Variants in BAIAP2L1 observed in about 807,000 individuals in gnomAD.
BAIAP2L1 encodes BAR/IMD domain containing adaptor protein 2 like 1.
Under a neutral mutation model 66.3 loss-of-function variants are expected in BAIAP2L1, and 35 were observed. That is an observed-to-expected ratio of 0.53 (90% CI 0.40 to 0.70). The LOEUF (loss-of-function observed/expected upper bound fraction) is 0.70. BAIAP2L1 is among the 30% of genes least tolerant of loss of function. BAIAP2L1 has a pLI of 0.00. For synonymous variants in BAIAP2L1, 269 were observed against 248.7 expected (o/e 1.08, Z -0.77); for missense variants, 622 against 656.9 (o/e 0.95, Z 0.58).
chr7:98,338,650 G>A (rs1427209651), intron 3 of BAIAP2L1, among the ~76,000 whole-genome samples: 3 of 152,154 alleles, frequency 2.0e-5, no homozygotes, highest in Non-Finnish European at 4.4e-5. Flanking sequence ...GCAGCATATA[G>A]CGGTACTTCA....
intron 1 of BAIAP2L1, among the ~76,000 whole-genome samples, chr7:98,393,504 TTA>T (rs1362822199): frequency 6.6e-6 from 1 of 152,018 alleles, no homozygotes; most frequent in Non-Finnish European, 1.5e-5. Context: ...TTCTATTTAT[TTA>T]TTTTTTTTTG....
At chr7:98,386,496 C>G in intron 1 of BAIAP2L1, 2 of 1,596,934 alleles carry the variant, frequency 1.3e-6, no homozygotes, top group Non-Finnish European at 1.7e-6. Context: ...CACATCATAC[C>G]AATCTTTCTT....
intron 1 of BAIAP2L1, among the ~76,000 whole-genome samples, chr7:98,377,190 T>A (rs1802653957): frequency 1.3e-5 from 2 of 152,222 alleles, no homozygotes; most frequent in Admixed American, 1.3e-4. Flanking sequence ...TCCCATCATG[T>A]AAAGAGACTG....
intron 3 of BAIAP2L1, among the ~76,000 whole-genome samples, chr7:98,340,671 C>T (rs888940875): frequency 3.3e-5 from 5 of 152,092 alleles, no homozygotes; most frequent in African/African-American, 1.2e-4. Flanking sequence ...CTTCTTGTAA[C>T]AACTTTTGTA....
At chr7:98,349,032 A>G (rs1184167756) in intron 3 of BAIAP2L1, among the ~76,000 whole-genome samples, 1 of 152,190 alleles carries the variant, frequency 6.6e-6, no homozygotes, top group Non-Finnish European at 1.5e-5. Flanking sequence ...GGCAGCACCC[A>G]TGTCCCTACC....
chr7:98,395,503 C>T (rs1348027878), intron 1 of BAIAP2L1, among the ~76,000 whole-genome samples: 1 of 149,940 alleles, frequency 6.7e-6, no homozygotes, highest in Non-Finnish European at 1.5e-5. Context: ...GGAGGTGGCA[C>T]GAGGGGGACT....
chr7:98,352,407 G>A (rs904919738), intron 3 of BAIAP2L1, among the ~76,000 whole-genome samples: 31 of 152,148 alleles, frequency 2.0e-4, no homozygotes, highest in African/African-American at 5.8e-4. Context: ...TTTGAGAGGC[G>A]TAGGCGGGTG....
chr7:98,381,868 C>G (rs1173584867), intron 1 of BAIAP2L1, among the ~76,000 whole-genome samples: 4 of 151,772 alleles, frequency 2.6e-5, no homozygotes, highest in South Asian at 2.1e-4. Flanking sequence ...AAGTATCAAG[C>G]CCGTTAAGAA....
At chr7:98,358,848 C>T (rs1173255944) in intron 2 of BAIAP2L1, among the ~76,000 whole-genome samples, 1 of 152,162 alleles carries the variant, frequency 6.6e-6, no homozygotes, top group Non-Finnish European at 1.5e-5. Flanking sequence ...CAGTAATGGC[C>T]TTCCAGGAAT....
chr7:98,301,755 G>A (rs1213742934), intron 12 of BAIAP2L1, among the ~76,000 whole-genome samples: 2 of 152,162 alleles, frequency 1.3e-5, no homozygotes, highest in African/African-American at 2.4e-5. Context: ...GGTGCGGCCT[G>A]TGGAGGCAGC....
intron 1 of BAIAP2L1, among the ~76,000 whole-genome samples, chr7:98,370,977 T>A (rs1158687003): frequency 6.6e-6 from 1 of 152,136 alleles, no homozygotes; most frequent in South Asian, 2.1e-4. Flanking sequence ...ATAGAAAGGG[T>A]CCCACATTTT....
chr7:98,352,681 T>C (rs1327697957), intron 3 of BAIAP2L1, among the ~76,000 whole-genome samples: 1 of 152,128 alleles, frequency 6.6e-6, no homozygotes, highest in Non-Finnish European at 1.5e-5. Flanking sequence ...GATATATACA[T>C]GCACATGAAA....
Position 98,293,610 on chromosome 7 carries a change from G to T in BAIAP2L1, c.1461-14C>A, listed in dbSNP as rs1312482748. 2 of 1,610,160 alleles carry T rather than the reference G, an allele frequency of 1.2e-6. No homozygotes were observed. Among genetic ancestry groups the T allele is most frequent in the African/African-American group, 2.7e-5 (2 of 74,884 alleles). Reference sequence around the variant, plus strand: ...GGGTTTTCTCCGCTGCAGGGGATAAGAAAAATCTTTCAGAACTTCTGCTCT... The same window carrying T: ...GGGTTTTCTCCGCTGCAGGGGATAATAAAAATCTTTCAGAACTTCTGCTCT... On this transcript the variant is annotated splice_polypyrimidine_tract_variant and intron_variant, in intron 13 of 13. Coordinates refer to ENST00000005260, the MANE Select transcript of BAIAP2L1 (RefSeq NM_018842.5).
intron 3 of BAIAP2L1, among the ~76,000 whole-genome samples, chr7:98,350,268 C>G (rs1387655343): frequency 6.6e-6 from 1 of 151,934 alleles, no homozygotes; most frequent in Admixed American, 6.6e-5. Context: ...GGCTGCTGAC[C>G]AGACCATTCA....
chr7:98,305,952 G>T (rs1800640256), intron 11 of BAIAP2L1, among the ~76,000 whole-genome samples: 1 of 152,152 alleles, frequency 6.6e-6, no homozygotes, highest in Non-Finnish European at 1.5e-5. Context: ...AGGAAGGATG[G>T]ACCCAGGGTG....
chr7:98,294,159 T>A (rs1321017460), intron 12 of BAIAP2L1, 48 bp from the exon 13 acceptor site: 9 of 1,592,212 alleles, frequency 5.7e-6, no homozygotes, highest in Non-Finnish European at 7.8e-6. Context: ...ATTGGTCTTT[T>A]AAAAATTATT....
intron 1 of BAIAP2L1, among the ~76,000 whole-genome samples, chr7:98,373,983 T>G (rs1344816345): frequency 1.3e-5 from 2 of 152,198 alleles, no homozygotes; most frequent in Non-Finnish European, 2.9e-5. Context: ...GATAGGGTCT[T>G]GCTGTGTTGC....
intron 1 of BAIAP2L1, among the ~76,000 whole-genome samples, chr7:98,399,236 CTG>C (rs1480640247): frequency 5.9e-5 from 9 of 152,290 alleles, no homozygotes; most frequent in African/African-American, 2.2e-4. Context: ...GTCACAGTGA[CTG>C]AGCATCAAAA....
intron 1 of BAIAP2L1, 59 bp from the exon 2 acceptor site, chr7:98,362,491 A>G (rs542633623): frequency 6.8e-7 from 1 of 1,462,420 alleles, no homozygotes; most frequent in Non-Finnish European, 9.5e-7. Context: ...AGTCATCTTC[A>G]GATTTTGTCA....
Sources: gnomAD v4.1 joint callset for allele counts (sites outside exome capture counted in the v4.1 genomes callset) on GRCh38, gnomAD v4.1.1 for gene constraint, MANE v1.5 for transcripts, NCBI Gene and HGNC (gene_info 2026-07-23, HGNC 2026-07-21) for gene names.